Variants in RBM20 observed in about 807,000 individuals in gnomAD.
RBM20 encodes the protein RNA-binding protein 20.
A neutral mutation model predicts 110.1 loss-of-function variants in RBM20; 51 were observed. The observed-to-expected ratio is 0.46, with a 90% CI of 0.37 to 0.59. The LOEUF (loss-of-function observed/expected upper bound fraction) is 0.59, where lower values mean the gene tolerates loss of function less well. Ranked by LOEUF, RBM20 falls within the 20% of genes least tolerant of loss-of-function variation. RBM20 has a pLI of 0.00. For missense variants in RBM20, 1,512 were observed against 1,574.9 expected (o/e 0.96, Z 0.68); for synonymous variants, 589 against 618.2 (o/e 0.95, Z 0.70).
chr10:110,808,729 A>G (rs368030253), intron 7 of RBM20, among the ~76,000 whole-genome samples: 37 of 152,110 alleles, frequency 2.4e-4, no homozygotes, highest in African/African-American at 8.4e-4. Context: ...AACTGCAGGC[A>G]GCTCCTCCTT....
At chr10:110,767,148 T>C (rs1844104844) in intron 1 of RBM20, among the ~76,000 whole-genome samples, 1 of 103,178 alleles carries the variant, frequency 9.7e-6, no homozygotes, top group Non-Finnish European at 2.2e-5. Flanking sequence ...ATGGGGTGGC[T>C]GGCCGGGCGG....
At chr10:110,737,497 T>C (rs1173751021) in intron 1 of RBM20, among the ~76,000 whole-genome samples, 1 of 152,144 alleles carries the variant, frequency 6.6e-6, no homozygotes, top group Non-Finnish European at 1.5e-5. Flanking sequence ...CCTAAAAACC[T>C]GCATCCAGAT....
intron 1 of RBM20, among the ~76,000 whole-genome samples, chr10:110,668,672 G>A (rs879640382): frequency 6.6e-6 from 1 of 152,102 alleles, no homozygotes; most frequent in African/African-American, 2.4e-5. Flanking sequence ...GAGAGTGCCA[G>A]AGAAACCTTT....
chr10:110,650,109 G>A (rs570932053), intron 1 of RBM20, among the ~76,000 whole-genome samples: 2 of 152,324 alleles, frequency 1.3e-5, no homozygotes, highest in South Asian at 2.1e-4. Flanking sequence ...GCAAGTGTGG[G>A]GAGAAGTTAT....
rs1474684710 is a variant in RBM20, at chr10:110,781,084, A to C, written c.475A>C (p.Ile159Leu). Residue 159 changes from isoleucine to leucine, a missense_variant, in exon 2 of 14, where the codon ATA becomes CTA. Physicochemically the swap from Ile to Leu is conservative, Grantham distance 5. This residue lies in a region of RBM20 where 1,149 missense variants were observed against 1,169.4 expected (regional missense o/e 0.98). Transcript: ENST00000369519. ...TGGGGTTCCCCAACATGCTGCAGCC[A>C]TACCCAGTACCCGGTTTCCCTCTAA... Reference protein sequence around the residue: ...HAGVPQHAAAIPSTRFPSNAI... With the variant: ...HAGVPQHAAALPSTRFPSNAI... 1.9e-6 allele frequency: 3 copies of C among 1,551,806 alleles called. No individual in the cohort carries two copies. The Admixed American group carries it at 5.9e-5, about 30-fold the overall frequency.
chr10:110,755,676 G>T (rs758590379), intron 1 of RBM20, among the ~76,000 whole-genome samples: 1 of 152,216 alleles, frequency 6.6e-6, no homozygotes, highest in African/African-American at 2.4e-5. Flanking sequence ...AGCCACATGG[G>T]ATATTGACCT....
intron 1 of RBM20, among the ~76,000 whole-genome samples, chr10:110,747,228 G>C (rs1396019604): frequency 1.3e-5 from 2 of 151,100 alleles, no homozygotes; most frequent in East Asian, 3.9e-4. Context: ...CCACCTGCTT[G>C]TGTATTACTG....
rs1844912203 is a variant in RBM20, at chr10:110,821,638, G to A, written c.3019G>A (p.Glu1007Lys). 1 of 1,551,652 alleles carries A rather than the reference G, an allele frequency of 6.4e-7. No individual in the cohort carries two copies. Among genetic ancestry groups the A allele is most frequent in the African/African-American group, 1.4e-5 (1 of 73,058 alleles). Residue 1007 changes from glutamate to lysine, a missense_variant, in exon 11 of 14, where the codon GAG becomes AAG. Transcript: ENST00000369519. Reference protein sequence around the residue: ...VEMPGLNLDAERKPAESETGL... With the variant: ...VEMPGLNLDAKRKPAESETGL... ...AATGCCTGGCCTAAATCTGGATGCT[G>A]AGCGGAAGCCAGCTGAAAGTGAGAC...
intron 5 of RBM20, among the ~76,000 whole-genome samples, chr10:110,796,805 A>C (rs1844556273): frequency 6.6e-6 from 1 of 152,196 alleles, no homozygotes; most frequent in African/African-American, 2.4e-5. Context: ...TGTCATGGCT[A>C]TGTAGTTTTC....
chr10:110,645,068 C>A (rs79061914), intron 1 of RBM20, among the ~76,000 whole-genome samples: 238 of 152,254 alleles, frequency 1.6e-3, no homozygotes, highest in African/African-American at 5.4e-3. Flanking sequence ...CTTCATGGTG[C>A]CCCTGAAACC....
chr10:110,788,875 AG>A (rs1356534455), intron 5 of RBM20, among the ~76,000 whole-genome samples: 1 of 152,208 alleles, frequency 6.6e-6, no homozygotes, highest in Admixed American at 6.5e-5. Context: ...ATGAATGCCC[AG>A]TGAGTTGTTT....
chr10:110,819,134 C>T (rs1844877824), intron 9 of RBM20, among the ~76,000 whole-genome samples: 1 of 152,232 alleles, frequency 6.6e-6, no homozygotes, highest in Non-Finnish European at 1.5e-5. Flanking sequence ...AGAACTGCAG[C>T]TTGGCCCTCA....
In RBM20 at chr10:110,812,778, G is replaced by A. The variant is rs893252924; in HGVS notation, c.2381G>A (p.Arg794Lys). 3.2e-6 allele frequency: 5 copies of A among 1,551,584 alleles called. No homozygotes were observed. The African/African-American group carries it at 6.8e-5, about 21-fold the overall frequency. Residue 794 changes from arginine to lysine, a missense_variant, in exon 9 of 14, where the codon AGA becomes AAA. Around this residue, in one of 3 missense-constraint regions of RBM20, gnomAD observed 1,149 missense variants for 1,169.4 expected, o/e 0.98. Transcript: ENST00000369519. The part of the protein sequence containing the change: ...RKDEARLRES[R>K]HPHPDDSGKE... ...GACGAGGCCAGGCTGCGGGAAAGCA[G>A]ACACCCCCATCCGGATGACTCAGGC... is the stretch of plus-strand genomic sequence containing the variant.
At chr10:110,662,364 T>C (rs534961755) in intron 1 of RBM20, among the ~76,000 whole-genome samples, 11 of 152,330 alleles carry the variant, frequency 7.2e-5, no homozygotes, top group African/African-American at 2.2e-4. Flanking sequence ...AGAGATTATG[T>C]GTAAAGTGCC....
intron 8 of RBM20, among the ~76,000 whole-genome samples, chr10:110,810,965 C>T (rs1844760864): frequency 6.6e-6 from 1 of 152,150 alleles, no homozygotes; most frequent in Non-Finnish European, 1.5e-5. Flanking sequence ...TTTGAACAGT[C>T]ACTTTCTCGA....
At chr10:110,747,303 G>C (rs74158130) in intron 1 of RBM20, among the ~76,000 whole-genome samples, 1 of 150,708 alleles carries the variant, frequency 6.6e-6, no homozygotes, top group Non-Finnish European at 1.5e-5. Flanking sequence ...TTTTGGGGGG[G>C]GGGGTCATTC....
chr10:110,737,193 A>AAAAAAAAAAAAAAAAAAC (rs796374212), intron 1 of RBM20, among the ~76,000 whole-genome samples: 8 of 116,510 alleles, frequency 6.9e-5, no homozygotes, highest in African/African-American at 1.8e-4. Context: ...AAAAAAAAAA[A>AAAAAAAAAAAAAAAAAAC]AAAACACCCC....
At chr10:110,703,172 T>C (rs1862784737) in intron 1 of RBM20, among the ~76,000 whole-genome samples, 1 of 150,664 alleles carries the variant, frequency 6.6e-6, no homozygotes, top group Admixed American at 6.6e-5. Flanking sequence ...AGGTCAGGAG[T>C]TCGAGACCAG....
chr10:110,801,510 G>A (rs1272055561), intron 7 of RBM20, among the ~76,000 whole-genome samples: 1 of 151,970 alleles, frequency 6.6e-6, no homozygotes, highest in Non-Finnish European at 1.5e-5. Context: ...GCCTGTCGTG[G>A]GAGAGTATCA....
Sources: gnomAD v4.1 joint callset for allele counts (sites outside exome capture counted in the v4.1 genomes callset) on GRCh38, gnomAD v4.1.1 for gene constraint, gnomAD v4.1.1 regional missense constraint, MANE v1.5 for transcripts, NCBI Gene and HGNC (gene_info 2026-07-23, HGNC 2026-07-21) for gene names.